Variants in CNTNAP2 observed in about 807,000 individuals in gnomAD.
CNTNAP2 encodes the protein contactin-associated protein-like 2.
In CNTNAP2, 98 loss-of-function variants were observed where a neutral mutation model predicts 155.2. That is an observed-to-expected ratio of 0.63 (90% CI 0.54 to 0.75). The LOEUF (loss-of-function observed/expected upper bound fraction) is 0.75, where lower values mean the gene tolerates loss of function less well. Ranked by LOEUF, CNTNAP2 falls within the 30% of genes least tolerant of loss-of-function variation. The probability of loss-of-function intolerance (pLI) is 0.00; values close to 1 mark genes in which losing one functional copy is unlikely to be tolerated. For synonymous variants in CNTNAP2, 651 were observed against 631.2 expected (o/e 1.03, Z -0.47); for missense variants, 1,727 against 1,688.1 (o/e 1.02, Z -0.40).
intron 13 of CNTNAP2, among the ~76,000 whole-genome samples, chr7:147,819,635 C>T (rs1798331547): frequency 6.6e-6 from 1 of 152,138 alleles, no homozygotes; most frequent in South Asian, 2.1e-4. Context: ...GTATCCCACA[C>T]CCATCAAGAT....
intron 13 of CNTNAP2, among the ~76,000 whole-genome samples, chr7:147,752,674 C>G (rs1054252793): frequency 6.6e-6 from 1 of 152,248 alleles, no homozygotes; most frequent in East Asian, 1.9e-4. Flanking sequence ...TTAAACTGGT[C>G]GCTGAGGTCA....
intron 16 of CNTNAP2, among the ~76,000 whole-genome samples, chr7:148,144,302 C>A (rs1307760582): frequency 6.6e-6 from 1 of 152,170 alleles, no homozygotes; most frequent in Non-Finnish European, 1.5e-5. Flanking sequence ...AGAAATTGAG[C>A]AAGTTTGCTA....
intron 1 of CNTNAP2, among the ~76,000 whole-genome samples, chr7:146,724,137 G>A (rs956912677): frequency 3.7e-4 from 57 of 152,200 alleles, no homozygotes; most frequent in African/African-American, 1.3e-3. Flanking sequence ...ATCAACACTT[G>A]GAAGTGGCTA....
chr7:148,292,637 A>T (rs932058687), intron 21 of CNTNAP2, among the ~76,000 whole-genome samples: 1 of 152,136 alleles, frequency 6.6e-6, no homozygotes, highest in Non-Finnish European at 1.5e-5. Flanking sequence ...AGCCACTGGT[A>T]TTACTCTACC....
chr7:147,262,296 C>T (rs1252868677), intron 8 of CNTNAP2, among the ~76,000 whole-genome samples: 1 of 152,214 alleles, frequency 6.6e-6, no homozygotes, highest in East Asian at 1.9e-4. Flanking sequence ...GAACTAAATA[C>T]ATAGGGTGTG....
At chr7:146,646,605 T>A (rs940808790) in intron 1 of CNTNAP2, among the ~76,000 whole-genome samples, 2 of 152,024 alleles carry the variant, frequency 1.3e-5, no homozygotes, top group Admixed American at 1.3e-4. Flanking sequence ...TTTCCGGAAG[T>A]TCCTCTGTTG....
chr7:146,875,934 C>CAAAAAAAAAAAAAAAAAA (rs56304234), intron 3 of CNTNAP2, among the ~76,000 whole-genome samples: 9 of 55,136 alleles, frequency 1.6e-4, no homozygotes, highest in Admixed American at 2.5e-4. Context: ...ACATACACAG[C>CAAAAAAAAAAAAAAAAAA]AAAAAAAAAA....
At chr7:147,401,078 G>T (rs996365424) in intron 10 of CNTNAP2, among the ~76,000 whole-genome samples, 1 of 152,126 alleles carries the variant, frequency 6.6e-6, no homozygotes, top group African/African-American at 2.4e-5. Flanking sequence ...GAAATCTGGG[G>T]ACTAAATAGC....
At chr7:146,947,384 T>TTC (rs66835656) in intron 3 of CNTNAP2, among the ~76,000 whole-genome samples, 5,406 of 128,166 alleles carry the variant, frequency 0.042, 210 homozygotes, top group East Asian at 0.12. Flanking sequence ...CCTTCTCTCT[T>TTC]TCTCTCTCTC....
In CNTNAP2 at chr7:148,035,758, C is replaced by T. The variant is rs1395575840; in HGVS notation, c.2383+57769C>T. Among the ~76,000 whole-genome samples, 3 of 152,202 alleles carry T rather than the reference C, an allele frequency of 2.0e-5. No individual in the cohort carries two copies. In the East Asian group the frequency reaches 5.8e-4, roughly 29 times the overall value. On this transcript the variant is annotated intron_variant, in intron 15 of 23. Coordinates refer to ENST00000361727, the MANE Select transcript of CNTNAP2 (RefSeq NM_014141.6). The stretch of plus-strand genomic sequence containing the variant: ...CCCTGACCCCAGACCTATAGAGCTA[C>T]TAGCATGTAGCCCCAGCCTGGGAGA...
chr7:147,047,057 C>G (rs1029947234), intron 4 of CNTNAP2, among the ~76,000 whole-genome samples: 2 of 147,142 alleles, frequency 1.4e-5, no homozygotes, highest in African/African-American at 2.5e-5. Context: ...AAAAGTGTAG[C>G]CATTCTGGTG....
At chr7:146,147,003 A>G (rs1797967139) in intron 1 of CNTNAP2, among the ~76,000 whole-genome samples, 1 of 152,196 alleles carries the variant, frequency 6.6e-6, no homozygotes, top group East Asian at 1.9e-4. Context: ...TTCCTAAACA[A>G]TAACTGTCTT....
chr7:147,902,808 G>GTGTA (rs1554447672), intron 13 of CNTNAP2, among the ~76,000 whole-genome samples: 45 of 130,822 alleles, frequency 3.4e-4, no homozygotes, highest in Middle Eastern at 3.8e-3. Flanking sequence ...GTGTGTGTGT[G>GTGTA]TGTGTATGTG....
At position 146,914,327 on chromosome 7, in the gene CNTNAP2, G is replaced by T. The variant is rs1184238766; in HGVS notation, c.402+74423G>T. On this transcript the variant is annotated intron_variant, in intron 3 of 23. Coordinates refer to ENST00000361727, the MANE Select transcript of CNTNAP2 (RefSeq NM_014141.6). ...GTAGGTACCCAGGGCACGATTACTG[G>T]ATCAAATTGTGGATCCACTTTTAGT... Among the ~76,000 whole-genome samples, 3 of 152,034 alleles carry T rather than the reference G, an allele frequency of 2.0e-5. No homozygotes were observed. The South Asian group carries it at 6.2e-4, about 32-fold the overall frequency.
rs886062047 is a variant in CNTNAP2 at position 146,116,816 on chromosome 7, G to A, written c.-61G>A. On this transcript the variant is annotated 5_prime_UTR_variant, in exon 1 of 24. Transcript: ENST00000361727. The surrounding 1 kb of genome is among the most constrained non-coding windows in gnomAD (Gnocchi z 5.5). The stretch of plus-strand genomic sequence containing the variant: ...GCCCATCTCCCTTCAAGAACCCTAC[G>A]GAGAGTCGGACTGCATCTCCGCAGC... The A allele has an allele frequency of 7.4e-7, 1 of 1,351,416 alleles. No homozygotes were observed. The highest frequency in any genetic ancestry group is 1.0e-6 in the Non-Finnish European group (1 of 980,316). The allele number at this position is 1,351,416 out of a possible 1,614,324, so 83.7% of individuals were successfully genotyped here. A position where few individuals can be genotyped will look rare whatever the true frequency, so the allele number is the denominator to read the frequency against.
intron 1 of CNTNAP2, among the ~76,000 whole-genome samples, chr7:146,634,498 T>G (rs1266680113): frequency 6.6e-6 from 1 of 152,228 alleles, no homozygotes; most frequent in African/African-American, 2.4e-5. Flanking sequence ...TATTGATTGC[T>G]CCCACTTTAG....
At chr7:148,173,967 A>G (rs2972114) in intron 18 of CNTNAP2, among the ~76,000 whole-genome samples, 13,183 of 152,220 alleles carry the variant, frequency 0.087, 1,147 homozygotes, top group African/African-American at 0.23. Flanking sequence ...ACCTCTGGAG[A>G]TTAATAGGCA....
chr7:146,929,570 C>A (rs555711401), intron 3 of CNTNAP2, among the ~76,000 whole-genome samples: 1 of 152,120 alleles, frequency 6.6e-6, no homozygotes, highest in Admixed American at 6.6e-5. Context: ...TCACCAGCAA[C>A]GGAACAAAGC....
intron 1 of CNTNAP2, among the ~76,000 whole-genome samples, chr7:146,187,266 ATCT>A (rs1292238280): frequency 1.3e-5 from 2 of 152,186 alleles, no homozygotes; most frequent in Non-Finnish European, 2.9e-5. Flanking sequence ...TGCTTCAGAC[ATCT>A]TCTGCTCTAA....
Sources: allele counts gnomAD v4.1 joint callset (sites outside exome capture counted in the v4.1 genomes callset), GRCh38; gene constraint gnomAD v4.1.1; non-coding constraint Gnocchi (gnomAD v3.1); transcripts MANE v1.5; gene names NCBI Gene and HGNC (gene_info 2026-07-23, HGNC 2026-07-21).